SLC24A3: variants seen among roughly 807,000 people sequenced by gnomAD.
The protein encoded by SLC24A3 is sodium/potassium/calcium exchanger 3.
A neutral mutation model predicts 75.8 loss-of-function variants in SLC24A3; 28 were observed. That is an observed-to-expected ratio of 0.37 (90% CI 0.27 to 0.51). SLC24A3 has a LOEUF of 0.51. SLC24A3 is among the 20% of genes least tolerant of loss of function. SLC24A3 has a pLI of 0.94. For synonymous variants in SLC24A3, 372 were observed against 334.1 expected (o/e 1.11, Z -1.24); for missense variants, 663 against 847.8 (o/e 0.78, Z 2.71).
intron 2 of SLC24A3, among the ~76,000 whole-genome samples, chr20:19,297,486 T>C (rs1447846550): frequency 6.6e-6 from 1 of 152,208 alleles, no homozygotes; most frequent in Non-Finnish European, 1.5e-5. Flanking sequence ...TTTGTGCCTG[T>C]TCTAGAACTT....
chr20:19,673,179 C>T lies in SLC24A3; in HGVS notation c.714-422C>T, dbSNP rs570516291. On this transcript the variant is annotated intron_variant, in intron 8 of 16. Coordinates refer to ENST00000328041, the MANE Select transcript of SLC24A3 (RefSeq NM_020689.4). Reference sequence around the variant, plus strand: ...TCTCTCCCCACTTCTACCCTTTATGCCTGGCTCCTATATATACAGCAATCC... The same window carrying T: ...TCTCTCCCCACTTCTACCCTTTATGTCTGGCTCCTATATATACAGCAATCC... Among the ~76,000 whole-genome samples, 5 of 152,302 alleles carry T rather than the reference C, an allele frequency of 3.3e-5. No homozygotes were observed. In the East Asian group the frequency reaches 9.7e-4, roughly 29 times the overall value.
At chr20:19,693,166 A>G (rs2032764842) in intron 12 of SLC24A3, 93 bp from the exon 13 acceptor site, 3 of 1,323,322 alleles carry the variant, frequency 2.3e-6, no homozygotes, top group Non-Finnish European at 3.1e-6. Flanking sequence ...TGGGGAAAGC[A>G]GTACAGACAC....
chr20:19,678,965 C>T (rs2032573417), intron 9 of SLC24A3, among the ~76,000 whole-genome samples: 1 of 151,626 alleles, frequency 6.6e-6, no homozygotes, highest in South Asian at 2.1e-4. Flanking sequence ...CAGAGACGCT[C>T]CTCACTTCCT....
rs59163737 is a variant in SLC24A3, at chr20:19,314,139, T to C, written c.271+33052T>C. On this transcript the variant is annotated intron_variant, in intron 2 of 16. Transcript: ENST00000328041. ...CCTTTGAAAATTTTCTGTCCCCAAC[T>C]TTGTCTGTGGTTTTGCTGTAAGGTC... is the stretch of plus-strand genomic sequence containing the variant. 7.1e-3 allele frequency among the ~76,000 whole-genome samples: 1,076 copies of C among 152,188 alleles called. 12 individuals are homozygous for C. Among genetic ancestry groups the C allele is most frequent in the African/African-American group, 0.025 (1,034 of 41,522 alleles).
chr20:19,654,731 T>A (rs2032246751), intron 7 of SLC24A3, among the ~76,000 whole-genome samples: 1 of 139,654 alleles, frequency 7.2e-6, no homozygotes, highest in African/African-American at 2.6e-5. Context: ...CACTGCAAGC[T>A]CCGCCTCCCG....
chr20:19,354,398 G>A (rs753203121), intron 2 of SLC24A3, among the ~76,000 whole-genome samples: 7 of 152,268 alleles, frequency 4.6e-5, no homozygotes, highest in Non-Finnish European at 8.8e-5. Flanking sequence ...TGGGGGTCAG[G>A]TGCAGGGGGT....
At chr20:19,426,094 C>T (rs991418636) in intron 2 of SLC24A3, among the ~76,000 whole-genome samples, 7 of 152,210 alleles carry the variant, frequency 4.6e-5, no homozygotes. Context: ...GTGGAAAGTG[C>T]TTAGAAATGT....
At chr20:19,332,923 G>A (rs1282642425) in intron 2 of SLC24A3, among the ~76,000 whole-genome samples, 3 of 151,814 alleles carry the variant, frequency 2.0e-5, no homozygotes, top group African/African-American at 7.2e-5. Flanking sequence ...TAGGGAGGAT[G>A]CTCTAAATAG....
At chr20:19,470,396 G>A (rs1200766981) in intron 2 of SLC24A3, among the ~76,000 whole-genome samples, 1 of 152,118 alleles carries the variant, frequency 6.6e-6, no homozygotes, top group African/African-American at 2.4e-5. Context: ...AAGGGGGAGG[G>A]CTGAAACTGG....
At chr20:19,682,116 G>T in intron 10 of SLC24A3, 125 bp downstream of exon 10, 1 of 1,110,456 alleles carries the variant, frequency 9.0e-7, no homozygotes, top group Non-Finnish European at 1.3e-6. Context: ...TTAACCAGGA[G>T]TGGTGGCCCA....
In SLC24A3 at chr20:19,513,752, GC is replaced by G. The variant is rs1474928811; in HGVS notation, c.272-1734del. ...CTTTTTTTTTAGAAAAAAAAAAAAA[GC>G]CTTTTTGAGATATTATTGACGTATA... On this transcript the variant is annotated intron_variant, in intron 2 of 16. Transcript: ENST00000328041. Among the ~76,000 whole-genome samples the G allele has an allele frequency of 7.1e-5, 9 of 127,528 alleles. No homozygotes were observed. The South Asian group carries it at 2.2e-3, about 31-fold the overall frequency. The allele number at this position is 127,528 out of a possible 152,430, so 83.7% of individuals were successfully genotyped here.
At chr20:19,359,068 C>T (rs1445056743) in intron 2 of SLC24A3, among the ~76,000 whole-genome samples, 1 of 152,174 alleles carries the variant, frequency 6.6e-6, no homozygotes, top group Non-Finnish European at 1.5e-5. Flanking sequence ...GTAAATAGTG[C>T]TACTGTGAAC....
chr20:19,591,912 G>T (rs769557593), intron 6 of SLC24A3, among the ~76,000 whole-genome samples: 2 of 152,202 alleles, frequency 1.3e-5, no homozygotes, highest in Non-Finnish European at 2.9e-5. Context: ...GGGAAAAACT[G>T]CACACAGATG....
intron 2 of SLC24A3, among the ~76,000 whole-genome samples, chr20:19,414,689 G>T (rs1391784657): frequency 6.6e-6 from 1 of 152,034 alleles, no homozygotes; most frequent in Non-Finnish European, 1.5e-5. Flanking sequence ...TTTTCTCCAG[G>T]TTTTCAGAAA....
intron 6 of SLC24A3, among the ~76,000 whole-genome samples, chr20:19,592,797 C>CTTTTTT (rs11480179): frequency 2.4e-5 from 3 of 126,698 alleles, no homozygotes; most frequent in Admixed American, 8.8e-5. Context: ...TTCTTTCTTT[C>CTTTTTT]TTTTTTTTTT....
chr20:19,706,353 G>A (rs892510575), intron 15 of SLC24A3, among the ~76,000 whole-genome samples: 2 of 152,164 alleles, frequency 1.3e-5, no homozygotes, highest in Admixed American at 6.5e-5. Context: ...AAAACAAGAC[G>A]TGATGCCTGC....
chr20:19,520,473 A>G (rs1344014049), intron 3 of SLC24A3, among the ~76,000 whole-genome samples: 2 of 152,162 alleles, frequency 1.3e-5, no homozygotes, highest in African/African-American at 4.8e-5. Context: ...TCCCTTGTGC[A>G]CATCTCCATC....
chr20:19,705,201 A>G (rs561928634), intron 15 of SLC24A3, among the ~76,000 whole-genome samples: 8 of 152,292 alleles, frequency 5.3e-5, no homozygotes, highest in African/African-American at 1.7e-4. Flanking sequence ...CCAGTTTTCT[A>G]TCCTAAAAGT....
At chr20:19,304,310 A>G (rs1489382345) in intron 2 of SLC24A3, among the ~76,000 whole-genome samples, 2 of 152,110 alleles carry the variant, frequency 1.3e-5, no homozygotes, top group African/African-American at 2.4e-5. Flanking sequence ...GTTCCTTGCT[A>G]TTGAGAGGCT....
Sources: gnomAD v4.1 joint callset for allele counts (sites outside exome capture counted in the v4.1 genomes callset) on GRCh38, gnomAD v4.1.1 for gene constraint, MANE v1.5 for transcripts, NCBI Gene and HGNC (gene_info 2026-07-23, HGNC 2026-07-21) for gene names.